CADM2: variants seen among roughly 807,000 people sequenced by gnomAD.
The protein encoded by CADM2 is cell adhesion molecule 2, also known as immunoglobulin superfamily member 4D.
CADM2 carries 12 observed loss-of-function variants against 49.8 expected under a neutral mutation model. The observed-to-expected ratio is 0.24, with a 90% CI of 0.15 to 0.39. The LOEUF is 0.39. Among genes scored for constraint, CADM2 ranks in the 10% least tolerant of loss-of-function variants. The probability of loss-of-function intolerance (pLI) is 1.00; values close to 1 mark genes in which losing one functional copy is unlikely to be tolerated. For synonymous variants in CADM2, 214 were observed against 175.4 expected (o/e 1.22, Z -1.74); for missense variants, 378 against 492.3 (o/e 0.77, Z 2.20).
chr3:85,124,915 A>G (rs1224522769), intron 1 of CADM2, among the ~76,000 whole-genome samples: 1 of 152,196 alleles, frequency 6.6e-6, no homozygotes, highest in African/African-American at 2.4e-5. Context: ...ACAATAATAA[A>G]ATTGAAAATT....
intron 1 of CADM2, among the ~76,000 whole-genome samples, chr3:85,230,860 GA>G (rs2042270435): frequency 1.3e-5 from 2 of 152,076 alleles, no homozygotes; most frequent in Admixed American, 1.3e-4. Context: ...GATATAGGAG[GA>G]AAACTGTATG....
At chr3:86,031,917 A>G (rs1734601656) in intron 8 of CADM2, among the ~76,000 whole-genome samples, 1 of 151,774 alleles carries the variant, frequency 6.6e-6, no homozygotes, top group South Asian at 2.1e-4. Context: ...ATTGTAACAG[A>G]GAACTAATTG....
chr3:85,144,245 GCACA>G (rs3083491), intron 1 of CADM2, among the ~76,000 whole-genome samples: 149 of 149,038 alleles, frequency 1.0e-3, no homozygotes, highest in African/African-American at 2.7e-3. Flanking sequence ...TGTTACACAC[GCACA>G]CACACACACA....
chr3:85,157,127 T>C (rs1185711502), intron 1 of CADM2, among the ~76,000 whole-genome samples: 1 of 152,154 alleles, frequency 6.6e-6, no homozygotes, highest in East Asian at 1.9e-4. Flanking sequence ...GAATCCAACT[T>C]ACAAGGTATG....
chr3:85,184,003 G>T (rs1271440079), intron 1 of CADM2, among the ~76,000 whole-genome samples: 4 of 152,002 alleles, frequency 2.6e-5, no homozygotes, highest in Admixed American at 2.0e-4. Flanking sequence ...AATAAAAATG[G>T]TTAGATCATT....
intron 1 of CADM2, among the ~76,000 whole-genome samples, chr3:85,271,280 T>G (rs961099808): frequency 6.7e-6 from 1 of 150,192 alleles, no homozygotes; most frequent in East Asian, 1.9e-4. Context: ...TTATTGGAAA[T>G]ATTTATTTGC....
chr3:85,806,206 AGAAG>A (rs1193470311), intron 3 of CADM2, among the ~76,000 whole-genome samples: 21 of 150,880 alleles, frequency 1.4e-4, no homozygotes, highest in South Asian at 2.1e-4. Flanking sequence ...AAGGAAGGAA[AGAAG>A]GAAGGAAGGA....
intron 5 of CADM2, among the ~76,000 whole-genome samples, chr3:85,909,013 C>T (rs778925420): frequency 6.6e-6 from 1 of 152,118 alleles, no homozygotes. Flanking sequence ...CGTGAGCCAC[C>T]ACGCCCGGCC....
chr3:85,407,523 G>A (rs2035443251), intron 1 of CADM2, among the ~76,000 whole-genome samples: 2 of 152,018 alleles, frequency 1.3e-5, no homozygotes, highest in African/African-American at 4.8e-5. Context: ...TCAAAATTAA[G>A]CCAAAGCACA....
intron 1 of CADM2, among the ~76,000 whole-genome samples, chr3:85,167,584 C>T (rs1474856023): frequency 6.6e-6 from 1 of 152,096 alleles, no homozygotes; most frequent in Non-Finnish European, 1.5e-5. Flanking sequence ...GTGTGAAGAA[C>T]TGAATTCAAA....
intron 2 of CADM2, among the ~76,000 whole-genome samples, chr3:85,801,114 A>G (rs1410276995): frequency 6.6e-6 from 1 of 152,174 alleles, no homozygotes; most frequent in African/African-American, 2.4e-5. Flanking sequence ...TGGTTATCAG[A>G]CTTAGCAGAG....
intron 1 of CADM2, among the ~76,000 whole-genome samples, chr3:85,089,236 T>G (rs2037501524): frequency 6.6e-6 from 1 of 152,122 alleles, no homozygotes; most frequent in African/African-American, 2.4e-5. Context: ...GGTTAGTTCT[T>G]CAAGCATTTT....
Position 85,248,423 on chromosome 3 carries a change from C to T in CADM2, c.61+288755C>T, listed in dbSNP as rs552089669. 7.2e-5 allele frequency among the ~76,000 whole-genome samples: 11 copies of T among 152,086 alleles called. No individual in the cohort carries two copies. In the East Asian group the frequency reaches 1.2e-3, roughly 16 times the overall value. Reference sequence around the variant, plus strand: ...CCCAGTAGCTGGGATTACAGATGCACGCCACCAGGCCCAGCTAATTTGTTG... The same window carrying T: ...CCCAGTAGCTGGGATTACAGATGCATGCCACCAGGCCCAGCTAATTTGTTG... On this transcript the variant is annotated intron_variant, in intron 1 of 9. Transcript: ENST00000383699.
intron 5 of CADM2, among the ~76,000 whole-genome samples, chr3:85,912,167 G>T (rs555335434): frequency 4.2e-4 from 64 of 151,954 alleles, no homozygotes; most frequent in African/African-American, 1.4e-3. Context: ...GGATGGTCTC[G>T]ATCTCCTGAC....
At chr3:85,408,010 C>A (rs373643150) in intron 1 of CADM2, among the ~76,000 whole-genome samples, 151 of 56,150 alleles carry the variant, frequency 2.7e-3, no homozygotes, top group East Asian at 5.9e-3. Context: ...AAAACAAAAC[C>A]AAAAAAAAAA....
intron 1 of CADM2, among the ~76,000 whole-genome samples, chr3:85,633,725 G>A (rs934981167): frequency 1.3e-5 from 2 of 151,896 alleles, no homozygotes. Flanking sequence ...AAAAAAGGAT[G>A]GGAGGAGAAT....
At chr3:85,757,260 A>T (rs567200855) in intron 2 of CADM2, among the ~76,000 whole-genome samples, 179 of 152,264 alleles carry the variant, frequency 1.2e-3, no homozygotes, top group African/African-American at 4.3e-3. Context: ...GTTTGGCTTG[A>T]AGACGCGTAT....
chr3:85,865,616 A>G (rs2075694416), intron 3 of CADM2, among the ~76,000 whole-genome samples: 1 of 152,204 alleles, frequency 6.6e-6, no homozygotes, highest in Non-Finnish European at 1.5e-5. Flanking sequence ...ATGTGGAAAA[A>G]AAGTTTATTT....
chr3:85,782,707 G>A (rs987467586), intron 2 of CADM2, among the ~76,000 whole-genome samples: 4 of 150,886 alleles, frequency 2.7e-5, no homozygotes, highest in Non-Finnish European at 5.9e-5. Context: ...CATTTCTTTC[G>A]AATCTTTCTT....
Sources: allele counts gnomAD v4.1 joint callset (sites outside exome capture counted in the v4.1 genomes callset), GRCh38; gene constraint gnomAD v4.1.1; transcripts MANE v1.5; gene names NCBI Gene and HGNC (gene_info 2026-07-23, HGNC 2026-07-21).